FBN1: variants seen among roughly 807,000 people sequenced by gnomAD.
FBN1 encodes the protein fibrillin-1.
Under a neutral mutation model 365.1 loss-of-function variants are expected in FBN1, and 29 were observed. The observed-to-expected ratio is 0.08, with a 90% CI of 0.06 to 0.11. The LOEUF (loss-of-function observed/expected upper bound fraction) is 0.11. Ranked by LOEUF, FBN1 falls within the 10% of genes least tolerant of loss-of-function variation. FBN1 has a pLI of 1.00. For synonymous variants in FBN1, 1,210 were observed against 1,270.5 expected (o/e 0.95, Z 1.01); for missense variants, 2,476 against 3,703.2 (o/e 0.67, Z 8.60).
chr15:48,501,482 C>T (rs1394974711), intron 17 of FBN1, among the ~76,000 whole-genome samples: 2 of 152,318 alleles, frequency 1.3e-5, no homozygotes, highest in East Asian at 3.9e-4. Context: ...GAAATTAATG[C>T]ATTTTCTTTA....
In FBN1 at chr15:48,428,355, CGTCCT is replaced by C. The variant is rs771173737; in HGVS notation, c.6983_6987del (p.Gln2328ArgfsTer4). 6.2e-7 allele frequency: 1 copy of C among 1,614,098 alleles called. No individual in the cohort carries two copies. Among genetic ancestry groups the C allele is most frequent in the South Asian group, 1.1e-5 (1 of 91,070 alleles). On this transcript the variant is annotated frameshift_variant, in exon 57 of 66. Coordinates refer to ENST00000316623, the MANE Select transcript of FBN1 (RefSeq NM_000138.5). LOFTEE classifies it high-confidence loss of function. ...TGCCAACTGTACTCACCAAGGCACT[CGTCCT>C]GGTTGGGGCTGGCGGTAAACCCATC... is the stretch of plus-strand genomic sequence containing the variant.
At chr15:48,484,375 A>AT (rs562389903) in intron 30 of FBN1, among the ~76,000 whole-genome samples, 3,254 of 143,878 alleles carry the variant, frequency 0.023, 80 homozygotes, top group African/African-American at 0.063. Flanking sequence ...ACTTTCAACA[A>AT]TTTTTTTTTT....
chr15:48,464,101 AT>A, intron 40 of FBN1, 80 bp from the exon 41 acceptor site: 1 of 1,351,758 alleles, frequency 7.4e-7, no homozygotes, highest in Non-Finnish European at 1.1e-6. Flanking sequence ...GAATGTTGAC[AT>A]TAGAGGAGAA....
intron 34 of FBN1, 24 bp from the exon 35 acceptor site, chr15:48,472,700 T>A: frequency 6.2e-7 from 1 of 1,614,114 alleles, no homozygotes; most frequent in Non-Finnish European, 8.5e-7. Context: ...GAAACACACG[T>A]TACTCTTCCT....
intron 6 of FBN1, among the ~76,000 whole-genome samples, chr15:48,583,813 T>C (rs1202177748): frequency 6.6e-6 from 1 of 152,202 alleles, no homozygotes; most frequent in Non-Finnish European, 1.5e-5. Flanking sequence ...ATTTGCACTA[T>C]TGTAGTTTTA....
intron 15 of FBN1, 97 bp downstream of exon 15, chr15:48,508,485 A>T: frequency 6.5e-7 from 1 of 1,540,562 alleles, no homozygotes; most frequent in Admixed American, 1.7e-5. Flanking sequence ...AGGTACTTTA[A>T]GTGGGGAGAA....
chr15:48,507,851 A>G (rs1180224493), intron 15 of FBN1, among the ~76,000 whole-genome samples: 7 of 152,188 alleles, frequency 4.6e-5, no homozygotes, highest in Non-Finnish European at 1.0e-4. Flanking sequence ...GACCAAGTGC[A>G]GTAATCACTG....
chr15:48,513,479 G>T lies in FBN1; in HGVS notation c.1588+70C>A, dbSNP rs376551927. 35 of 1,610,438 alleles carry T rather than the reference G, an allele frequency of 2.2e-5. No homozygotes were observed. The East Asian group carries it at 4.2e-4, about 19-fold the overall frequency. On this transcript the variant is annotated intron_variant, in intron 13 of 65. Transcript: ENST00000316623. Reference sequence around the variant, plus strand: ...CGGCATGGGTTATTTAAACTCCATGGAACTCCTTTGAAGCCAACCCCCAGT... The same window carrying T: ...CGGCATGGGTTATTTAAACTCCATGTAACTCCTTTGAAGCCAACCCCCAGT...
At chr15:48,550,001 A>T (rs554088827) in intron 6 of FBN1, among the ~76,000 whole-genome samples, 1 of 152,328 alleles carries the variant, frequency 6.6e-6, no homozygotes, top group Middle Eastern at 3.4e-3. Flanking sequence ...GGCAGCAGGC[A>T]TTTGTGGATA....
intron 6 of FBN1, among the ~76,000 whole-genome samples, chr15:48,589,088 A>G (rs962997206): frequency 5.9e-5 from 9 of 152,238 alleles, no homozygotes; most frequent in Admixed American, 5.2e-4. Flanking sequence ...ATGTGGACTG[A>G]GCCTAGCTCC....
intron 14 of FBN1, among the ~76,000 whole-genome samples, chr15:48,509,456 T>C (rs1474234343): frequency 6.8e-6 from 1 of 147,806 alleles, no homozygotes; most frequent in African/African-American, 2.4e-5. Context: ...ATTAGACATA[T>C]ATAATGTATT....
intron 2 of FBN1, among the ~76,000 whole-genome samples, chr15:48,620,832 T>C (rs1361692047): frequency 2.0e-5 from 3 of 152,116 alleles, no homozygotes; most frequent in Non-Finnish European, 2.9e-5. Flanking sequence ...GCTAATACTA[T>C]TATTCAATAA....
intron 9 of FBN1, among the ~76,000 whole-genome samples, chr15:48,523,714 G>GGC (rs1555400790): frequency 1.1e-4 from 13 of 116,578 alleles, no homozygotes; most frequent in African/African-American, 3.2e-4. Context: ...GGTGGCTGGG[G>GGC]GGGGGGGGGA....
chr15:48,615,004 G>C (rs913602023), intron 2 of FBN1, among the ~76,000 whole-genome samples: 5 of 152,176 alleles, frequency 3.3e-5, no homozygotes, highest in African/African-American at 1.2e-4. Flanking sequence ...AGAAGTTCCT[G>C]GGGAAATTCA....
intron 44 of FBN1, among the ~76,000 whole-genome samples, chr15:48,453,409 T>C (rs931385395): frequency 1.3e-5 from 2 of 151,318 alleles, no homozygotes; most frequent in Non-Finnish European, 2.9e-5. Flanking sequence ...AAAGGCGACA[T>C]AATGTATGAT....
intron 2 of FBN1, among the ~76,000 whole-genome samples, chr15:48,619,139 C>T (rs187070395): frequency 2.0e-4 from 30 of 152,186 alleles, no homozygotes; most frequent in South Asian, 1.2e-3. Flanking sequence ...TCCCTGATAC[C>T]GAAAAGGTTG....
At chr15:48,565,071 G>T (rs1410179366) in intron 6 of FBN1, among the ~76,000 whole-genome samples, 1 of 152,094 alleles carries the variant, frequency 6.6e-6, no homozygotes, top group South Asian at 2.1e-4. Context: ...ATAATTCATT[G>T]GGGGATATCA....
chr15:48,435,607 A>C (rs2043059240), intron 53 of FBN1, among the ~76,000 whole-genome samples: 2 of 152,022 alleles, frequency 1.3e-5, no homozygotes, highest in Admixed American at 1.3e-4. Context: ...AAATATGTTT[A>C]GGTTATGACC....
At chr15:48,452,769 A>G (rs1566900570) in intron 44 of FBN1, 85 bp from the exon 45 acceptor site, 5 of 1,461,612 alleles carry the variant, frequency 3.4e-6, no homozygotes, top group East Asian at 4.6e-5. Context: ...ACAAATTTAT[A>G]TTTTATTTTG....
Sources: allele counts gnomAD v4.1 joint callset (sites outside exome capture counted in the v4.1 genomes callset), GRCh38; gene constraint gnomAD v4.1.1; transcripts MANE v1.5; gene names NCBI Gene and HGNC (gene_info 2026-07-23, HGNC 2026-07-21).